Variants in MYT1L observed in about 807,000 individuals in gnomAD.
MYT1L encodes myelin transcription factor 1-like protein.
A neutral mutation model predicts 126.7 loss-of-function variants in MYT1L; 12 were observed. That is an observed-to-expected ratio of 0.09 (90% CI 0.06 to 0.15). The LOEUF (loss-of-function observed/expected upper bound fraction) is 0.15, where lower values mean the gene tolerates loss of function less well. Ranked by LOEUF, MYT1L falls within the 10% of genes least tolerant of loss-of-function variation. The pLI is 1.00. For missense variants in MYT1L, 979 were observed against 1,585.2 expected (o/e 0.62, Z 6.49); for synonymous variants, 541 against 604.2 (o/e 0.90, Z 1.53).
rs1393540875 is a variant in MYT1L, at chr2:1,839,278, C to T, written c.2951G>A (p.Arg984Lys). The change falls in exon 21 of 25, where the codon AGG (arginine) becomes AAG (lysine). Residue 984 changes from arginine to lysine, a missense_variant. Physicochemically the swap from Arg to Lys is conservative, Grantham distance 26 (BLOSUM62 2). Transcript: ENST00000647738. ...SASGCPLAAK[R>K]QKDGYLNGSQ... is the part of the protein sequence containing the mutation. ...GCCATTCAGGTACCCGTCTTTCTGCCTCTTGGCCGCCAAGGGGCACCCGGA... is the reference window on the plus strand; with the variant it reads ...GCCATTCAGGTACCCGTCTTTCTGCTTCTTGGCCGCCAAGGGGCACCCGGA... 12 of 1,613,768 alleles carry T rather than the reference C, an allele frequency of 7.4e-6. No individual in the cohort carries two copies. Among genetic ancestry groups the T allele is most frequent in the East Asian group, 2.2e-5 (1 of 44,870 alleles).
At chr2:2,029,822 C>CA (rs2149903786) in intron 4 of MYT1L, among the ~76,000 whole-genome samples, 1 of 152,294 alleles carries the variant, frequency 6.6e-6, no homozygotes, top group East Asian at 1.9e-4. Context: ...GTTTGCATAT[C>CA]ATTCTATATG....
At chr2:1,948,289 GCTCT>G (rs770100386) in intron 8 of MYT1L, among the ~76,000 whole-genome samples, 64 of 152,248 alleles carry the variant, frequency 4.2e-4, no homozygotes, top group African/African-American at 1.3e-3. Context: ...CTCACGATTT[GCTCT>G]CTATTTGTTA....
At chr2:2,025,765 A>G (rs187272397) in intron 4 of MYT1L, among the ~76,000 whole-genome samples, 4 of 152,340 alleles carry the variant, frequency 2.6e-5, no homozygotes, top group African/African-American at 7.2e-5. Context: ...ACTCATTTAC[A>G]TAAATTTACA....
intron 2 of MYT1L, among the ~76,000 whole-genome samples, chr2:2,173,409 A>G (rs2148553499): frequency 6.6e-6 from 1 of 152,370 alleles, no homozygotes; most frequent in Non-Finnish European, 1.5e-5. Context: ...ATAGAATTTC[A>G]TTCATAAGAA....
At chr2:2,170,925 T>C (rs1488223384) in intron 3 of MYT1L, among the ~76,000 whole-genome samples, 2 of 152,204 alleles carry the variant, frequency 1.3e-5, no homozygotes, top group Non-Finnish European at 2.9e-5. Context: ...GAGTGAGGAC[T>C]GAGTGGAAAG....
At chr2:2,223,464 CT>C (rs1329172278) in intron 2 of MYT1L, among the ~76,000 whole-genome samples, 2 of 152,238 alleles carry the variant, frequency 1.3e-5, no homozygotes, top group East Asian at 3.9e-4. Context: ...CTTAATCTTT[CT>C]TTTTTATAAA....
Position 2,295,569 on chromosome 2 carries a change from GAGAGA to G in MYT1L, c.-520-11071_-520-11067del, listed in dbSNP as rs2095662234. ...AGAGAGAGAGAGACAGACAGACAGA[GAGAGA>G]GAGAGAGAGACAGACAGACAGAGAG... On this transcript the variant is annotated intron_variant, in intron 1 of 24. Coordinates refer to ENST00000647738, the MANE Select transcript of MYT1L (RefSeq NM_001303052.2). 1.4e-5 allele frequency among the ~76,000 whole-genome samples: 2 copies of G among 138,886 alleles called. 1 individual carries two copies. The highest frequency in any genetic ancestry group is 5.5e-5 in the African/African-American group (2 of 36,598). 91.1% of individuals were successfully genotyped at this position (138,886 alleles called of 152,430 possible). A position where few individuals can be genotyped will look rare whatever the true frequency, so the allele number is the denominator to read the frequency against.
intron 18 of MYT1L, among the ~76,000 whole-genome samples, chr2:1,870,905 G>A (rs116307908): frequency 2.8e-3 from 419 of 152,324 alleles, no homozygotes; most frequent in African/African-American, 9.7e-3. Flanking sequence ...CCAGCTCTGC[G>A]AGCTGCCCAC....
At chr2:1,828,144 T>C (rs1437625928) in intron 21 of MYT1L, 1 of 152,066 alleles carries the variant, frequency 6.6e-6, no homozygotes, top group East Asian at 1.9e-4. Context: ...TGGTTGAATG[T>C]TTACCTGTGT....
chr2:2,307,534 A>G (rs1261175767), intron 1 of MYT1L, among the ~76,000 whole-genome samples: 1 of 152,106 alleles, frequency 6.6e-6, no homozygotes, highest in Non-Finnish European at 1.5e-5. Context: ...TGACCTTGCC[A>G]TTCAACTATA....
chr2:1,982,420 T>C (rs926448135), intron 5 of MYT1L, among the ~76,000 whole-genome samples: 8 of 152,212 alleles, frequency 5.3e-5, no homozygotes, highest in African/African-American at 1.9e-4. Flanking sequence ...AGAAACATTC[T>C]CCGGGGGTGT....
Position 1,887,287 on chromosome 2 carries a change from C to A in MYT1L, c.2642+201G>T, listed in dbSNP as rs564623075. ...ATGCACGGGTTAAATGAAAATGACG[C>A]CCCCATCCGACAGAGCGTCACTGGG... is the stretch of plus-strand genomic sequence containing the variant. On this transcript the variant is annotated intron_variant, in intron 17 of 24. Transcript: ENST00000647738. This position sits in a 1 kb window ranked among gnomAD's most constrained non-coding sequence, Gnocchi z 4.8. Among the ~76,000 whole-genome samples the A allele has an allele frequency of 3.3e-5, 5 of 152,278 alleles. No homozygotes were observed. The East Asian group carries it at 9.6e-4, about 29-fold the overall frequency.
chr2:2,019,102 C>T (rs2064756852), intron 4 of MYT1L, among the ~76,000 whole-genome samples: 1 of 152,072 alleles, frequency 6.6e-6, no homozygotes, highest in Admixed American at 6.5e-5. Flanking sequence ...GTAACATGCC[C>T]GATATGGTTT....
At chr2:2,303,262 T>C (rs932195871) in intron 1 of MYT1L, among the ~76,000 whole-genome samples, 3 of 152,202 alleles carry the variant, frequency 2.0e-5, no homozygotes, top group Admixed American at 1.3e-4. Context: ...TGAGTGGCCG[T>C]GGTTCCACGG....
chr2:1,936,109 G>C (rs976563094), intron 9 of MYT1L, among the ~76,000 whole-genome samples: 4 of 152,118 alleles, frequency 2.6e-5, no homozygotes, highest in Non-Finnish European at 5.9e-5. Context: ...TTTTAGTAGA[G>C]ACAGGGTTTT....
intron 21 of MYT1L, among the ~76,000 whole-genome samples, chr2:1,838,467 G>A (rs1275772859): frequency 6.6e-6 from 1 of 152,100 alleles, no homozygotes; most frequent in East Asian, 1.9e-4. Context: ...TCCCCAAAGG[G>A]TATGGCCTTC....
chr2:1,933,678 G>A (rs2055331725), intron 9 of MYT1L, among the ~76,000 whole-genome samples: 1 of 152,128 alleles, frequency 6.6e-6, no homozygotes, highest in Non-Finnish European at 1.5e-5. Flanking sequence ...ATCAGGAGAA[G>A]AGACTGCACT....
At position 1,943,107 on chromosome 2, in the gene MYT1L, C is replaced by CCCTCCTCGT. The variant is rs748670487; in HGVS notation, c.371_379dup (p.Asp124_Glu126dup). 9 of 1,481,934 alleles carry CCCTCCTCGT rather than the reference C, an allele frequency of 6.1e-6. No homozygotes were observed. Among genetic ancestry groups the CCCTCCTCGT allele is most frequent in the East Asian group, 4.9e-5 (2 of 40,510 alleles). 91.8% of individuals were successfully genotyped at this position (1,481,934 alleles called of 1,614,324 possible). A position where few individuals can be genotyped will look rare whatever the true frequency, so the allele number is the denominator to read the frequency against. The stretch of plus-strand genomic sequence containing the variant: ...GATCTCCTCCTCCTCCTCCCGGTCC[C>CCCTCCTCGT]CCTCCTCGTCCTCCTCGTCCTCATC... On this transcript the variant is annotated inframe_insertion, in exon 9 of 25. Transcript: ENST00000647738. This position sits in a 1 kb window ranked among gnomAD's most constrained non-coding sequence, Gnocchi z 4.4.
intron 8 of MYT1L, among the ~76,000 whole-genome samples, chr2:1,969,338 G>A (rs111485232): frequency 0.012 from 1,790 of 152,330 alleles, 36 homozygotes; most frequent in African/African-American, 0.041. Context: ...TTGGCTCTGT[G>A]TGTGAGTTGC....
Sources: allele counts gnomAD v4.1 joint callset (sites outside exome capture counted in the v4.1 genomes callset), GRCh38; gene constraint gnomAD v4.1.1; non-coding constraint Gnocchi (gnomAD v3.1); transcripts MANE v1.5; gene names NCBI Gene and HGNC (gene_info 2026-07-23, HGNC 2026-07-21).